Variants in DNAJC25 observed in about 807,000 individuals in gnomAD.
DNAJC25 encodes dnaJ homolog subfamily C member 25.
A neutral mutation model predicts 42.1 loss-of-function variants in DNAJC25; 26 were observed. That is an observed-to-expected ratio of 0.62 (90% CI 0.45 to 0.86). The LOEUF (loss-of-function observed/expected upper bound fraction) is 0.86. Ranked by LOEUF, DNAJC25 falls within the 40% of genes least tolerant of loss-of-function variation. The probability of loss-of-function intolerance (pLI) is 0.00; values close to 1 mark genes in which losing one functional copy is unlikely to be tolerated. For synonymous variants in DNAJC25, 189 were observed against 179.9 expected (o/e 1.05, Z -0.40); for missense variants, 404 against 459.4 (o/e 0.88, Z 1.10).
chr9:111,634,615 T>C (rs1208597632), intron 1 of DNAJC25, among the ~76,000 whole-genome samples: 1 of 152,200 alleles, frequency 6.6e-6, no homozygotes, highest in African/African-American at 2.4e-5. Flanking sequence ...TGTATCTGAA[T>C]GTTGATAATA....
intron 1 of DNAJC25, among the ~76,000 whole-genome samples, chr9:111,645,794 A>C (rs1204446892): frequency 6.8e-6 from 1 of 147,094 alleles, no homozygotes; most frequent in East Asian, 1.9e-4. Context: ...AAGATAAAAA[A>C]AACTTTTTTT....
At chr9:111,652,009 A>G (rs889713781) in intron 3 of DNAJC25, among the ~76,000 whole-genome samples, 8 of 152,190 alleles carry the variant, frequency 5.3e-5, no homozygotes, top group African/African-American at 1.9e-4. Context: ...ATAAACATGT[A>G]TGTAAGGTCA....
Position 111,631,696 on chromosome 9 carries a change from G to A in DNAJC25, c.289G>A (p.Ala97Thr). The A allele has an allele frequency of 3.3e-6, 5 of 1,524,664 alleles. No individual in the cohort carries two copies. Among genetic ancestry groups the A allele is most frequent in the African/African-American group, 2.8e-5 (2 of 70,780 alleles). 94.4% of individuals were successfully genotyped at this position (1,524,664 alleles called of 1,614,324 possible). ...GGGCCCCGGGCGGACGCCGCAGAGC[G>A]CCGAGGAGGCTTTCCTGCTGGTGGC... The part of the protein sequence containing the change: ...DEGPGRTPQS[A>T]EEAFLLVATA... The change falls in exon 1 of 4, where the codon GCC (alanine) becomes ACC (threonine). Residue 97 changes from alanine (A) to threonine (T), a missense_variant. Transcript: ENST00000313525.
At chr9:111,651,263 CAAAAA>C (rs10555875) in intron 3 of DNAJC25, among the ~76,000 whole-genome samples, 2 of 104,970 alleles carry the variant, frequency 1.9e-5, no homozygotes, top group Non-Finnish European at 4.0e-5. Context: ...GACTCTATCT[CAAAAA>C]AAAAAAAAAA....
intron 1 of DNAJC25, among the ~76,000 whole-genome samples, chr9:111,641,825 G>A (rs1351312458): frequency 2.0e-5 from 2 of 98,564 alleles, no homozygotes; most frequent in African/African-American, 9.3e-5. Flanking sequence ...CAGCCCCCCC[G>A]CCCGGCCAGC....
At chr9:111,639,570 GA>G (rs1353451842) in intron 1 of DNAJC25, among the ~76,000 whole-genome samples, 1 of 150,114 alleles carries the variant, frequency 6.7e-6, no homozygotes, top group Non-Finnish European at 1.5e-5. Flanking sequence ...CAGGAAACAA[GA>G]AAAAAATGAA....
intron 1 of DNAJC25, among the ~76,000 whole-genome samples, chr9:111,646,650 T>A (rs577364097): frequency 1.3e-5 from 2 of 152,336 alleles, no homozygotes; most frequent in Admixed American, 1.3e-4. Context: ...GGGATGGGCA[T>A]AATTCAGTTT....
chr9:111,648,519 C>T (rs1421188161), intron 2 of DNAJC25, among the ~76,000 whole-genome samples: 9 of 152,064 alleles, frequency 5.9e-5, no homozygotes, highest in Non-Finnish European at 1.0e-4. Flanking sequence ...ATCCACTCAC[C>T]GCAGCCTCTC....
chr9:111,636,025 T>A (rs187959484), intron 1 of DNAJC25, among the ~76,000 whole-genome samples: 5 of 152,356 alleles, frequency 3.3e-5, no homozygotes, highest in Admixed American at 2.6e-4. Context: ...AGACACAGTT[T>A]CTGACTTAAA....
chr9:111,634,004 G>A (rs1467897389), intron 1 of DNAJC25, among the ~76,000 whole-genome samples: 1 of 152,158 alleles, frequency 6.6e-6, no homozygotes, highest in Non-Finnish European at 1.5e-5. Context: ...AGTGGAAGTG[G>A]AGTTGTACTG....
rs1415104188 is a variant in DNAJC25, at chr9:111,653,953, T to A, written c.*731T>A. ...TAGGACTATAACTGTATTCTCAACATTTCTCCAGAAAGGACCTTGTAAAAA... is the reference window on the plus strand; with the variant it reads ...TAGGACTATAACTGTATTCTCAACAATTCTCCAGAAAGGACCTTGTAAAAA... On this transcript the variant is annotated 3_prime_UTR_variant, in exon 4 of 4. Transcript: ENST00000313525. 1 of 152,570 alleles carries A rather than the reference T, an allele frequency of 6.6e-6. No homozygotes were observed. Among genetic ancestry groups the A allele is most frequent in the African/African-American group, 2.4e-5 (1 of 41,430 alleles). 9.5% of individuals were successfully genotyped at this position (152,570 alleles called of 1,614,324 possible).
chr9:111,633,749 A>G (rs1564082064), intron 1 of DNAJC25, among the ~76,000 whole-genome samples: 1 of 152,220 alleles, frequency 6.6e-6, no homozygotes, highest in Admixed American at 6.5e-5. Flanking sequence ...GAGGGCCACC[A>G]GGAGAGACTG....
intron 1 of DNAJC25, among the ~76,000 whole-genome samples, chr9:111,633,064 G>A (rs895762384): frequency 6.6e-6 from 1 of 152,116 alleles, no homozygotes; most frequent in African/African-American, 2.4e-5. Flanking sequence ...CTTTGTTGCC[G>A]ATTATGTAAA....
intron 1 of DNAJC25, among the ~76,000 whole-genome samples, chr9:111,638,554 T>C (rs978574967): frequency 6.6e-6 from 1 of 152,220 alleles, no homozygotes; most frequent in Non-Finnish European, 1.5e-5. Context: ...CAAGTTTTCC[T>C]TGCATCTTCT....
intron 1 of DNAJC25, 83 bp downstream of exon 1, chr9:111,631,826 G>A: frequency 7.0e-6 from 10 of 1,431,810 alleles, no homozygotes; most frequent in Non-Finnish European, 9.1e-6. Flanking sequence ...CGCGGAGCGT[G>A]GGCCTCTGTG....
At chr9:111,640,767 C>T (rs1228563654) in intron 1 of DNAJC25, among the ~76,000 whole-genome samples, 39 of 109,054 alleles carry the variant, frequency 3.6e-4, no homozygotes, top group African/African-American at 1.5e-3. Context: ...CCTCTCCGCC[C>T]AGCAGCCACC....
At chr9:111,637,343 T>A (rs1216140727) in intron 1 of DNAJC25, among the ~76,000 whole-genome samples, 1 of 152,166 alleles carries the variant, frequency 6.6e-6, no homozygotes, top group Non-Finnish European at 1.5e-5. Context: ...AGTTTTAAAG[T>A]GGAGAAATGA....
intron 1 of DNAJC25, 186 bp from the exon 2 acceptor site, chr9:111,646,921 A>G: frequency 1.9e-6 from 1 of 513,688 alleles, no homozygotes; most frequent in Non-Finnish European, 3.1e-6. Context: ...TATATCTAAC[A>G]TTGAAGTTCT....
At chr9:111,648,259 A>T (rs1830596287) in intron 2 of DNAJC25, among the ~76,000 whole-genome samples, 2 of 142,882 alleles carry the variant, frequency 1.4e-5, no homozygotes. Context: ...CCCAGAAACG[A>T]TTCAGTTTTT....
Sources: allele counts gnomAD v4.1 joint callset (sites outside exome capture counted in the v4.1 genomes callset), GRCh38; gene constraint gnomAD v4.1.1; transcripts MANE v1.5; gene names NCBI Gene and HGNC (gene_info 2026-07-23, HGNC 2026-07-21).